SLC2A12: variants seen among roughly 807,000 people sequenced by gnomAD.
SLC2A12 encodes solute carrier family 2, facilitated glucose transporter member 12.
A neutral mutation model predicts 41.8 loss-of-function variants in SLC2A12; 23 were observed. The ratio of observed to expected loss-of-function variants is 0.55; its 90% confidence interval spans 0.40 to 0.78. SLC2A12 has a LOEUF of 0.78. SLC2A12 is among the 30% of genes least tolerant of loss of function. The pLI is 0.00. For synonymous variants in SLC2A12, 295 were observed against 285.9 expected, an observed-to-expected ratio of 1.03 and a Z score of -0.32; for missense variants, 654 against 745.6, an observed-to-expected ratio of 0.88 and a Z score of 1.43.
At chr6:134,050,853 G>A (rs535860218) in intron 1 of SLC2A12, among the ~76,000 whole-genome samples, 5 of 152,152 alleles carry the variant, frequency 3.3e-5, no homozygotes, top group East Asian at 1.9e-4. Flanking sequence ...AGTAGCAAGC[G>A]CTTAGGGAAA....
chr6:134,038,008 T>A (rs1358992519), intron 1 of SLC2A12, among the ~76,000 whole-genome samples: 3 of 152,004 alleles, frequency 2.0e-5, no homozygotes, highest in Non-Finnish European at 4.4e-5. Flanking sequence ...AGCCACTATC[T>A]CCCACCCCTC....
At chr6:134,018,055 T>G (rs761969905) in intron 2 of SLC2A12, among the ~76,000 whole-genome samples, 3 of 152,072 alleles carry the variant, frequency 2.0e-5, no homozygotes, top group African/African-American at 2.4e-5. Flanking sequence ...CTGACTCAGC[T>G]GGATTTATGT....
chr6:134,019,045 G>A (rs1008345213), intron 2 of SLC2A12, among the ~76,000 whole-genome samples: 1 of 152,196 alleles, frequency 6.6e-6, no homozygotes, highest in African/African-American at 2.4e-5. Context: ...GTAGCTGAAG[G>A]ATGACAGTCG....
At chr6:134,051,918 G>A (rs1340792004) in intron 1 of SLC2A12, among the ~76,000 whole-genome samples, 1 of 152,160 alleles carries the variant, frequency 6.6e-6, no homozygotes, top group African/African-American at 2.4e-5. Flanking sequence ...TTTTAAAACA[G>A]TGGTTATAAT....
intron 3 of SLC2A12, among the ~76,000 whole-genome samples, chr6:134,002,908 G>A (rs1776769816): frequency 6.7e-6 from 1 of 149,486 alleles, no homozygotes; most frequent in Non-Finnish European, 1.5e-5. Context: ...TGTAGTCATG[G>A]ACCAAGTCAA....
Position 134,043,569 on chromosome 6 carries a change from C to T in SLC2A12, c.103+8809G>A, listed in dbSNP as rs561520425. Among the ~76,000 whole-genome samples the T allele has an allele frequency of 7.0e-4, 107 of 151,942 alleles. No homozygotes were observed. The Middle Eastern group carries it at 0.01, about 14-fold the overall frequency. On this transcript the variant is annotated intron_variant, in intron 1 of 4. Transcript: ENST00000275230. ...CAGCACTTTGGGAGGCCGAGATGGGCGGATCACCAGGGCAAGAGATCAAGA... is the reference window on the plus strand; with the variant it reads ...CAGCACTTTGGGAGGCCGAGATGGGTGGATCACCAGGGCAAGAGATCAAGA...
rs367623003 is a variant in SLC2A12, at chr6:134,029,161, G to A, written c.664C>T (p.Arg222Trp). 19 of 1,613,956 alleles carry A rather than the reference G, an allele frequency of 1.2e-5. No individual in the cohort carries two copies. Among genetic ancestry groups the A allele is most frequent in the African/African-American group, 4.0e-5 (3 of 74,930 alleles). ...TCTTGTCCTTTCATCACCAGAAACC[G>A]AGGGCTTGGAGGAAGAAAATACATT... ...IAMYFLPPSP[R>W]FLVMKGQEGA... Residue 222 changes from arginine to tryptophan, a missense_variant, in exon 2 of 5, where the codon CGG becomes TGG. Arg to Trp is a moderately radical substitution (Grantham distance 101). Transcript: ENST00000275230.
At chr6:134,032,539 A>C (rs1258771548) in intron 1 of SLC2A12, among the ~76,000 whole-genome samples, 1 of 143,602 alleles carries the variant, frequency 7.0e-6, no homozygotes, top group Non-Finnish European at 1.5e-5. Flanking sequence ...ACATGGAGTT[A>C]TATGCTACAG....
intron 2 of SLC2A12, among the ~76,000 whole-genome samples, chr6:134,015,101 G>C (rs942305583): frequency 6.6e-6 from 1 of 152,208 alleles, no homozygotes; most frequent in Non-Finnish European, 1.5e-5. Context: ...AAAAGGAACA[G>C]TGTTTGTGTA....
chr6:134,001,040 AC>A (rs1335254676), intron 4 of SLC2A12, among the ~76,000 whole-genome samples: 1 of 151,916 alleles, frequency 6.6e-6, no homozygotes, highest in Non-Finnish European at 1.5e-5. Context: ...TCCGGGACCC[AC>A]CCCAAACCCC....
At chr6:134,033,146 C>T (rs1429029361) in intron 1 of SLC2A12, among the ~76,000 whole-genome samples, 2 of 151,912 alleles carry the variant, frequency 1.3e-5, no homozygotes, top group South Asian at 2.1e-4. Context: ...TGGGTAAGTA[C>T]AGAGGGGGCA....
intron 1 of SLC2A12, among the ~76,000 whole-genome samples, chr6:134,047,498 T>C (rs1392436803): frequency 6.6e-6 from 1 of 152,084 alleles, no homozygotes; most frequent in Non-Finnish European, 1.5e-5. Context: ...GGATTCATCT[T>C]TTATCTACAC....
intron 2 of SLC2A12, among the ~76,000 whole-genome samples, chr6:134,015,849 C>T (rs181630188): frequency 6.6e-6 from 1 of 152,218 alleles, no homozygotes; most frequent in East Asian, 1.9e-4. Context: ...TTTTTAAGAG[C>T]CAGAGTTATT....
intron 1 of SLC2A12, among the ~76,000 whole-genome samples, chr6:134,047,352 A>G (rs1777472220): frequency 6.6e-6 from 1 of 152,188 alleles, no homozygotes; most frequent in African/African-American, 2.4e-5. Context: ...AGCTCTCAGA[A>G]CTTTTTTAAC....
intron 4 of SLC2A12, 143 bp downstream of exon 4, chr6:134,001,854 G>T: frequency 1.3e-6 from 1 of 765,558 alleles, no homozygotes; most frequent in Non-Finnish European, 1.9e-6. Flanking sequence ...TTGGAATTAT[G>T]CACTGAGACA....
chr6:133,992,450 A>T (rs1030477736), intron 4 of SLC2A12, among the ~76,000 whole-genome samples: 2 of 152,136 alleles, frequency 1.3e-5, no homozygotes, highest in Non-Finnish European at 2.9e-5. Context: ...AGGAACGTCA[A>T]CTCACCAGGG....
At chr6:133,994,224 G>A (rs550865420) in intron 4 of SLC2A12, among the ~76,000 whole-genome samples, 155 of 152,252 alleles carry the variant, frequency 1.0e-3, no homozygotes, top group African/African-American at 3.1e-3. Context: ...CAAAGTAGTC[G>A]GATAACATTG....
chr6:134,012,816 A>T (rs1046636317), intron 2 of SLC2A12, among the ~76,000 whole-genome samples: 1 of 152,092 alleles, frequency 6.6e-6, no homozygotes, highest in East Asian at 1.9e-4. Flanking sequence ...AAAAATTTTT[A>T]AAAATATAGC....
intron 3 of SLC2A12, among the ~76,000 whole-genome samples, chr6:134,005,387 A>G (rs1248508339): frequency 6.6e-6 from 1 of 152,124 alleles, no homozygotes; most frequent in Non-Finnish European, 1.5e-5. Context: ...TGCCAGGCAC[A>G]GTGGCTTACG....
Sources: gnomAD v4.1 joint callset for allele counts (sites outside exome capture counted in the v4.1 genomes callset) on GRCh38, gnomAD v4.1.1 for gene constraint, MANE v1.5 for transcripts, NCBI Gene and HGNC (gene_info 2026-07-23, HGNC 2026-07-21) for gene names.